Variants in AREL1 observed in about 807,000 individuals in gnomAD.
AREL1 encodes apoptosis resistant E3 ubiquitin protein ligase 1.
Under a neutral mutation model 99.0 loss-of-function variants are expected in AREL1, and 62 were observed. That is an observed-to-expected ratio of 0.63 (90% CI 0.51 to 0.77). The LOEUF is 0.77. Among genes scored for constraint, AREL1 ranks in the 30% least tolerant of loss-of-function variants. AREL1 has a pLI of 0.00. For missense variants in AREL1, 879 were observed against 1,027.6 expected (o/e 0.86, Z 1.98); for synonymous variants, 380 against 376.5 (o/e 1.01, Z -0.11).
chr14:74,692,974 G>T (rs1212945566), intron 1 of AREL1, among the ~76,000 whole-genome samples: 1 of 152,190 alleles, frequency 6.6e-6, no homozygotes, highest in Non-Finnish European at 1.5e-5. Flanking sequence ...CTCCCAAAGT[G>T]CTGGGATTAC....
intron 9 of AREL1, 113 bp downstream of exon 9, chr14:74,673,921 A>C (rs2089414525): frequency 1.2e-6 from 1 of 832,750 alleles, no homozygotes; most frequent in African/African-American, 1.7e-5. Flanking sequence ...AATCCTGTGT[A>C]CACTGTGAGA....
intron 1 of AREL1, among the ~76,000 whole-genome samples, chr14:74,706,280 T>C (rs1169918294): frequency 1.3e-5 from 2 of 152,310 alleles, no homozygotes; most frequent in East Asian, 3.9e-4. Flanking sequence ...TAGGAAGCTA[T>C]TATTCCATTA....
Position 74,663,595 on chromosome 14 carries a change from A to C in AREL1, c.*125T>G, listed in dbSNP as rs1384847200. On this transcript the variant is annotated 3_prime_UTR_variant, in exon 20 of 20. Transcript: ENST00000356357. Reference sequence around the variant, plus strand: ...TTGTAGGTGACAAAATCCTCCAGACACAGGGGAGCATGCGGCATCTTCTGG... The same window carrying C: ...TTGTAGGTGACAAAATCCTCCAGACCCAGGGGAGCATGCGGCATCTTCTGG... 2 of 1,001,304 alleles carry C rather than the reference A, an allele frequency of 2.0e-6. No individual in the cohort carries two copies. The highest frequency in any genetic ancestry group is 3.1e-6 in the Non-Finnish European group (2 of 637,114). 62.0% of individuals were successfully genotyped at this position (1,001,304 alleles called of 1,614,324 possible).
intron 12 of AREL1, 62 bp downstream of exon 12, chr14:74,671,346 G>GGTT: frequency 5.5e-5 from 3 of 54,936 alleles, no homozygotes; most frequent in South Asian, 4.3e-4. Flanking sequence ...TTTTTTTTTT[G>GGTT]TGGAGAAGGT....
chr14:74,671,766 T>C (rs1456904958), intron 11 of AREL1, among the ~76,000 whole-genome samples: 1 of 152,240 alleles, frequency 6.6e-6, no homozygotes, highest in Non-Finnish European at 1.5e-5. Context: ...ACAATCCTTG[T>C]TTTAGCAATG....
Position 74,661,626 on chromosome 14 carries a change from TAAAAG to T in AREL1, c.*2089_*2093del, listed in dbSNP as rs2089079559. ...ATTAGAAAAAAAAAAAACAAAACAG[TAAAAG>T]AAAAGGCCCAAGAGAGCAAAGATAC... On this transcript the variant is annotated 3_prime_UTR_variant, in exon 20 of 20. Coordinates refer to ENST00000356357, the MANE Select transcript of AREL1 (RefSeq NM_001039479.2). 1.1e-5 allele frequency: 2 copies of T among 186,988 alleles called. No individual in the cohort carries two copies. Among genetic ancestry groups the T allele is most frequent in the African/African-American group, 4.8e-5 (2 of 41,300 alleles). The allele number at this position is 186,988 out of a possible 1,614,324, so 11.6% of individuals were successfully genotyped here. A position where few individuals can be genotyped will look rare whatever the true frequency, so the allele number is the denominator to read the frequency against.
In AREL1 at chr14:74,676,634, G is replaced by A; in HGVS notation, c.600C>T (p.Asn200=). The A allele has an allele frequency of 1.9e-6, 3 of 1,614,100 alleles. No individual in the cohort carries two copies. Among genetic ancestry groups the A allele is most frequent in the Non-Finnish European group, 2.5e-6 (3 of 1,180,012 alleles). The part of the protein sequence containing the change: ...VPRDEYDNPT[N]NSMSLRDEHN... The stretch of plus-strand genomic sequence containing the variant: ...GCTCATCTCTCAAGGACATGGAATT[G>A]TTGGTGGGATTATCATACTCATCTC... Residue 200 remains asparagine (N), a synonymous_variant, in exon 6 of 20, where the codon AAC becomes AAT. Transcript: ENST00000356357.
chr14:74,665,182 T>C (rs935189078), intron 17 of AREL1, among the ~76,000 whole-genome samples: 3 of 152,056 alleles, frequency 2.0e-5, no homozygotes, highest in Non-Finnish European at 4.4e-5. Context: ...TTGGTGGCCC[T>C]ACCTGGGACC....
At chr14:74,681,918 G>C (rs1191093586) in intron 5 of AREL1, among the ~76,000 whole-genome samples, 1 of 152,146 alleles carries the variant, frequency 6.6e-6, no homozygotes, top group East Asian at 1.9e-4. Flanking sequence ...TACTGTACTA[G>C]TAGTTTTGGA....
chr14:74,680,784 G>A (rs1047541468), intron 5 of AREL1, among the ~76,000 whole-genome samples: 1 of 152,146 alleles, frequency 6.6e-6, no homozygotes, highest in Non-Finnish European at 1.5e-5. Flanking sequence ...ATACTCAAAG[G>A]AAATGCTCAC....
intron 1 of AREL1, chr14:74,711,970 A>G (rs1350865776): frequency 6.7e-6 from 1 of 150,304 alleles, no homozygotes; most frequent in Non-Finnish European, 1.5e-5. Flanking sequence ...ATGCAATAAG[A>G]AAAGTATGAC....
At chr14:74,674,168 G>T in intron 8 of AREL1, 57 bp from the exon 9 acceptor site, 2 of 1,397,266 alleles carry the variant, frequency 1.4e-6, no homozygotes. Context: ...GCTCTATTTG[G>T]GTATTCTAAT....
intron 5 of AREL1, among the ~76,000 whole-genome samples, chr14:74,679,344 C>T (rs371659563): frequency 4.6e-5 from 7 of 151,940 alleles, no homozygotes; most frequent in Non-Finnish European, 7.4e-5. Context: ...TCACCTAAGC[C>T]GGGAGAGGTC....
Position 74,669,677 on chromosome 14 carries a change from T to C in AREL1, c.1886A>G (p.Lys629Arg), listed in dbSNP as rs772108958. The change falls in exon 15 of 20, where the codon AAA becomes AGA. Residue 629 changes from lysine (K) to arginine (R), a missense_variant. Transcript: ENST00000356357. ...ATCCAATTGACCTGATTTATTATAT[T>C]TCTCTTCTGCAAAGACCAGCTCCAT... is the stretch of plus-strand genomic sequence containing the variant. ...SEMELVFAEE[K>R]YNKSGQLDKV... The C allele has an allele frequency of 3.1e-6, 5 of 1,614,040 alleles. No individual in the cohort carries two copies. In the African/African-American group the frequency reaches 5.3e-5, roughly 17 times the overall value.
At chr14:74,708,901 G>C (rs2090231596) in intron 1 of AREL1, among the ~76,000 whole-genome samples, 1 of 152,120 alleles carries the variant, frequency 6.6e-6, no homozygotes, top group African/African-American at 2.4e-5. Context: ...GTCTTCAAAA[G>C]AGCCACCAGG....
intron 1 of AREL1, chr14:74,711,979 A>G (rs1038500486): frequency 2.0e-5 from 3 of 147,022 alleles, no homozygotes; most frequent in African/African-American, 7.4e-5. Flanking sequence ...GAAAAGTATG[A>G]CAGAGGTACC....
At chr14:74,701,052 T>G (rs1297310837) in intron 1 of AREL1, among the ~76,000 whole-genome samples, 2 of 152,102 alleles carry the variant, frequency 1.3e-5, no homozygotes, top group East Asian at 3.9e-4. Context: ...TTAGTCACAT[T>G]GGTTGAGGGT....
rs748168958 is a variant in AREL1, at chr14:74,670,107, C to A, written c.1628G>T (p.Arg543Leu). ...CATTTTCAGGCGCAGATGAGCGGGG[C>A]GATTAGGGTTGGGATGCACCTGTCC... The part of the protein sequence containing the change: ...NQALVHPNPN[R>L]PAHLRLKMYE... The change falls in exon 14 of 20, where the codon CGC becomes CTC. Residue 543 changes from arginine to leucine, a missense_variant. By Grantham distance (102) the Arg-to-Leu change is moderately radical. Transcript: ENST00000356357. The A allele has an allele frequency of 6.2e-7, 1 of 1,610,264 alleles. No homozygotes were observed. The highest frequency in any genetic ancestry group is 8.5e-7 in the Non-Finnish European group (1 of 1,177,766).
chr14:74,672,498 A>T (rs1339577509), intron 11 of AREL1, among the ~76,000 whole-genome samples: 1 of 152,222 alleles, frequency 6.6e-6, no homozygotes, highest in Non-Finnish European at 1.5e-5. Flanking sequence ...ACACTTTGGG[A>T]GGCTGAGGCG....
Sources: gnomAD v4.1 joint callset for allele counts (sites outside exome capture counted in the v4.1 genomes callset) on GRCh38, gnomAD v4.1.1 for gene constraint, MANE v1.5 for transcripts, NCBI Gene and HGNC (gene_info 2026-07-23, HGNC 2026-07-21) for gene names.